IDH2: variants seen among roughly 807,000 people sequenced by gnomAD.
IDH2 encodes isocitrate dehydrogenase (NADP(+)) 2.
A neutral mutation model predicts 50.5 loss-of-function variants in IDH2; 18 were observed. The observed-to-expected ratio is 0.36, with a 90% CI of 0.25 to 0.53. IDH2 has a LOEUF of 0.53. Among genes scored for constraint, IDH2 ranks in the 20% least tolerant of loss-of-function variants. The pLI is 0.92. For missense variants in IDH2, 518 were observed against 610.7 expected (o/e 0.85, Z 1.60); for synonymous variants, 280 against 239.8 (o/e 1.17, Z -1.55).
chr15:90,102,092 G>A (rs1256529591), intron 1 of IDH2, among the ~76,000 whole-genome samples, 184 bp downstream of exon 1: 1 of 151,966 alleles, frequency 6.6e-6, no homozygotes, highest in Non-Finnish European at 1.5e-5. Flanking sequence ...CCCAGCGCCT[G>A]GCACGGCCGG....
chr15:90,090,255 C>G (rs1480507659), intron 3 of IDH2, among the ~76,000 whole-genome samples: 1 of 152,204 alleles, frequency 6.6e-6, no homozygotes, highest in Non-Finnish European at 1.5e-5. Context: ...CACGCCTGCC[C>G]CAGCCTCATC....
At chr15:90,086,638 A>C (rs563230783) in intron 7 of IDH2, among the ~76,000 whole-genome samples, 1 of 152,014 alleles carries the variant, frequency 6.6e-6, no homozygotes, top group Non-Finnish European at 1.5e-5. Flanking sequence ...CAAACTCCTG[A>C]CCTCATCACC....
At chr15:90,095,472 T>TAAAAA (rs10622800) in intron 1 of IDH2, among the ~76,000 whole-genome samples, 1,518 of 143,458 alleles carry the variant, frequency 0.011, 23 homozygotes, top group African/African-American at 0.015. Flanking sequence ...TCAAATTTGT[T>TAAAAA]AAAAAAAAAA....
In IDH2 at chr15:90,100,240, A is replaced by C. The variant is rs1218315819; in HGVS notation, c.115+2036T>G. 6.6e-6 allele frequency among the ~76,000 whole-genome samples: 1 copy of C among 152,222 alleles called. No individual in the cohort carries two copies. The highest frequency in any genetic ancestry group is 2.4e-5 in the African/African-American group (1 of 41,450). On this transcript the variant is annotated intron_variant, in intron 1 of 10. Coordinates refer to ENST00000330062, the MANE Select transcript of IDH2 (RefSeq NM_002168.4). The surrounding 1 kb of genome is among the most constrained non-coding windows in gnomAD (Gnocchi z 4.1). ...GAGTATAAACCCCAGGGAAGGCCAC[A>C]GACCCTGGCTTCCAGTAATCTGAGA...
chr15:90,092,743 A>G (rs2151552488), intron 1 of IDH2, among the ~76,000 whole-genome samples: 1 of 152,004 alleles, frequency 6.6e-6, no homozygotes, highest in Non-Finnish European at 1.5e-5. Context: ...CACCTGGCTA[A>G]TTTTTTGTAT....
Position 90,100,130 on chromosome 15 carries a change from C to T in IDH2, c.115+2146G>A, listed in dbSNP as rs903663425. Among the ~76,000 whole-genome samples the T allele has an allele frequency of 6.6e-6, 1 of 152,142 alleles. No homozygotes were observed. The highest frequency in any genetic ancestry group is 1.5e-5 in the Non-Finnish European group (1 of 68,026). On this transcript the variant is annotated intron_variant, in intron 1 of 10. Coordinates refer to ENST00000330062, the MANE Select transcript of IDH2 (RefSeq NM_002168.4). This position sits in a 1 kb window ranked among gnomAD's most constrained non-coding sequence, Gnocchi z 4.1. Reference sequence around the variant, plus strand: ...GTACACGGGTGGCATCTCTCTCCAGCAATAGGCCCCATGCCCTGAAGAAGC... The same window carrying T: ...GTACACGGGTGGCATCTCTCTCCAGTAATAGGCCCCATGCCCTGAAGAAGC...
intron 1 of IDH2, among the ~76,000 whole-genome samples, chr15:90,096,412 A>G (rs1250198984): frequency 6.6e-6 from 1 of 152,214 alleles, no homozygotes; most frequent in Non-Finnish European, 1.5e-5. Flanking sequence ...ACTAATCATC[A>G]GGGAAATGCA....
At chr15:90,090,377 C>T in intron 3 of IDH2, 102 bp downstream of exon 3, 1 of 1,306,894 alleles carries the variant, frequency 7.7e-7, no homozygotes, top group Non-Finnish European at 1.1e-6. Flanking sequence ...CCTCCCAGTC[C>T]CGAGATGAGT....
In IDH2 at chr15:90,088,497, C is replaced by T. The variant is rs1447006528; in HGVS notation, c.540G>A (p.Lys180=). ...IGRHAHGDQY[K]ATDFVADRAG... ...CCCGGTCTGCCACAAAGTCTGTGGC[C>T]TTGTACTGCAGAGACAAGAGGATGG... is the stretch of plus-strand genomic sequence containing the variant. The change falls in exon 5 of 11, where the codon AAG becomes AAA. Residue 180 remains lysine, a synonymous_variant. Transcript: ENST00000330062. 1.2e-6 allele frequency: 2 copies of T among 1,614,098 alleles called. No homozygotes were observed. The highest frequency in any genetic ancestry group is 2.2e-5 in the East Asian group (1 of 44,894).
intron 2 of IDH2, among the ~76,000 whole-genome samples, chr15:90,091,007 G>A (rs1209310933): frequency 4.6e-5 from 7 of 152,156 alleles, no homozygotes; most frequent in African/African-American, 1.7e-4. Context: ...CAAGTGCTTT[G>A]AGATCTTACA....
intron 1 of IDH2, among the ~76,000 whole-genome samples, chr15:90,101,970 C>G (rs1901344797): frequency 6.6e-6 from 1 of 151,968 alleles, no homozygotes; most frequent in African/African-American, 2.4e-5. Context: ...CCGGGACACT[C>G]TCAGGACCCC....
rs747181428 is a variant in IDH2 at position 90,085,006 on chromosome 15, G to T, written c.1173C>A (p.Leu391=). Residue 391 remains leucine, a synonymous_variant, in exon 9 of 11, where the codon CTC becomes CTA. Transcript: ENST00000330062. The surrounding 1 kb of genome is among the most constrained non-coding windows in gnomAD (Gnocchi z 5.5). ...HRGKLDGNQD[L]IRFAQMLEKV... is the part of the protein sequence containing the mutation. ...GCCTCTCCCTCCATGCTCACCTGAT[G>T]AGGTCTTGGTTCCCATCCAGCTTCC... 3 of 1,613,900 alleles carry T rather than the reference G, an allele frequency of 1.9e-6. No homozygotes were observed. Among genetic ancestry groups the T allele is most frequent in the Non-Finnish European group, 2.5e-6 (3 of 1,179,938 alleles).
In IDH2 at chr15:90,102,419, G is replaced by A. The variant is rs1471220852; in HGVS notation, c.-29C>T. The A allele has an allele frequency of 3.7e-5, 45 of 1,218,356 alleles. No homozygotes were observed. Among genetic ancestry groups the A allele is most frequent in the Non-Finnish European group, 4.5e-5 (43 of 951,846 alleles). 75.5% of individuals were successfully genotyped at this position (1,218,356 alleles called of 1,614,324 possible). A position where few individuals can be genotyped will look rare whatever the true frequency, so the allele number is the denominator to read the frequency against. On this transcript the variant is annotated 5_prime_UTR_variant, in exon 1 of 11. Coordinates refer to ENST00000330062, the MANE Select transcript of IDH2 (RefSeq NM_002168.4). Reference sequence around the variant, plus strand: ...AAGCTGGAGAGCGAACGAGCAGGGCGGGAGAGGTCCGAGCGCGCGCCGCTC... The same window carrying A: ...AAGCTGGAGAGCGAACGAGCAGGGCAGGAGAGGTCCGAGCGCGCGCCGCTC...
At chr15:90,086,598 G>A (rs1480405107) in intron 7 of IDH2, among the ~76,000 whole-genome samples, 5 of 151,918 alleles carry the variant, frequency 3.3e-5, no homozygotes, top group South Asian at 2.1e-4. Flanking sequence ...TAGTAGAGAC[G>A]GGGTTTCGTC....
chr15:90,086,399 T>C (rs1300699226), intron 7 of IDH2, among the ~76,000 whole-genome samples: 1 of 152,162 alleles, frequency 6.6e-6, no homozygotes, highest in Non-Finnish European at 1.5e-5. Context: ...TTTTTATTTT[T>C]TATTTTTTTT....
At chr15:90,097,534 G>A (rs1178758162) in intron 1 of IDH2, among the ~76,000 whole-genome samples, 1 of 152,100 alleles carries the variant, frequency 6.6e-6, no homozygotes, top group Non-Finnish European at 1.5e-5. Flanking sequence ...TGAACCTGGG[G>A]GGCATTATGC....
Position 90,094,992 on chromosome 15 carries a change from G to C in IDH2, c.116-3348C>G, listed in dbSNP as rs375890990. 6.5e-4 allele frequency among the ~76,000 whole-genome samples: 99 copies of C among 152,122 alleles called. 3 individuals are homozygous for C. In the South Asian group the frequency reaches 0.017, roughly 26 times the overall value. ...GAAAAGCAGGCCTAGAAACCACCTC[G>C]GCACATTTAAAACAAAAGTGATTAA... On this transcript the variant is annotated intron_variant, in intron 1 of 10. Transcript: ENST00000330062.
At chr15:90,093,054 A>G (rs1280577256) in intron 1 of IDH2, among the ~76,000 whole-genome samples, 1 of 152,224 alleles carries the variant, frequency 6.6e-6, no homozygotes, top group Non-Finnish European at 1.5e-5. Context: ...TCCCCCTGGA[A>G]TATGAAGGCA....
intron 2 of IDH2, 92 bp from the exon 3 acceptor site, chr15:90,090,736 G>T: frequency 7.4e-7 from 1 of 1,342,942 alleles, no homozygotes; most frequent in Non-Finnish European, 1.1e-6. Context: ...GCCATGGCAG[G>T]GGACAGTCAG....
Sources: allele counts gnomAD v4.1 joint callset (sites outside exome capture counted in the v4.1 genomes callset), GRCh38; gene constraint gnomAD v4.1.1; non-coding constraint Gnocchi (gnomAD v3.1); transcripts MANE v1.5; gene names NCBI Gene and HGNC (gene_info 2026-07-23, HGNC 2026-07-21).